FAM3D: variants seen among roughly 807,000 people sequenced by gnomAD.
The protein encoded by FAM3D is FAM3 metabolism regulating signaling molecule D, also known as protein FAM3D.
FAM3D carries 26 observed loss-of-function variants against 29.8 expected under a neutral mutation model. That is an observed-to-expected ratio of 0.87 (90% CI 0.64 to 1.21). The LOEUF is 1.21. Among genes scored for constraint, FAM3D ranks in the 50% most tolerant of loss-of-function variants. The pLI, the probability that FAM3D is intolerant of heterozygous loss-of-function variation, is 0.00. For missense variants in FAM3D, 253 were observed against 290.9 expected, an observed-to-expected ratio of 0.87 and a Z score of 0.95; for synonymous variants, 115 against 102.3, an observed-to-expected ratio of 1.12 and a Z score of -0.75.
chr3:58,651,157 A>G (rs186753127), intron 3 of FAM3D, among the ~76,000 whole-genome samples: 20 of 152,338 alleles, frequency 1.3e-4, no homozygotes, highest in Non-Finnish European at 2.9e-4. Flanking sequence ...ACTTCCCTTG[A>G]GACACTTATC....
chr3:58,655,671 G>T, intron 1 of FAM3D, 70 bp from the exon 2 acceptor site: 1 of 1,270,456 alleles, frequency 7.9e-7, no homozygotes, highest in Non-Finnish European at 1.1e-6. Flanking sequence ...GAAGATGAGG[G>T]AAAGGGACCT....
At chr3:58,654,789 G>A (rs2066743556) in intron 2 of FAM3D, among the ~76,000 whole-genome samples, 1 of 152,164 alleles carries the variant, frequency 6.6e-6, no homozygotes, top group Admixed American at 6.5e-5. Flanking sequence ...TGTGGGGTGG[G>A]ATGCAGGTCT....
Position 58,665,373 on chromosome 3 carries a change from C to G in FAM3D, c.-39+1203G>C, listed in dbSNP as rs532427881. Among the ~76,000 whole-genome samples, 5 of 152,134 alleles carry G rather than the reference C, an allele frequency of 3.3e-5. No individual in the cohort carries two copies. The East Asian group carries it at 9.7e-4, about 29-fold the overall frequency. The stretch of plus-strand genomic sequence containing the variant: ...CTCAGAGATTCTCCACTGACCCAAT[C>G]TTTTCCTCCCCTGCCCTTCACTCCT... On this transcript the variant is annotated intron_variant, in intron 1 of 9. Transcript: ENST00000358781.
Position 58,636,996 on chromosome 3 carries a change from ATTT to A in FAM3D, c.458+142_458+144del. 3 of 701,158 alleles carry A rather than the reference ATTT, an allele frequency of 4.3e-6. No individual in the cohort carries two copies. The Middle Eastern group carries it at 8.0e-4, about 188-fold the overall frequency. The allele number at this position is 701,158 out of a possible 1,614,324, so 43.4% of individuals were successfully genotyped here. A position where few individuals can be genotyped will look rare whatever the true frequency, so the allele number is the denominator to read the frequency against. ...AAGGCTGTGATGAACCTCCTAGAAC[ATTT>A]CTTTGCATACTTGTCTGATAATTTC... On this transcript the variant is annotated intron_variant, in intron 8 of 9. Transcript: ENST00000358781.
chr3:58,652,781 C>A (rs2066677590), intron 3 of FAM3D, among the ~76,000 whole-genome samples: 1 of 151,916 alleles, frequency 6.6e-6, no homozygotes, highest in African/African-American at 2.4e-5. Context: ...ATCCCTCCAT[C>A]TACCCATCCA....
At chr3:58,647,902 C>T (rs2066524659) in intron 4 of FAM3D, among the ~76,000 whole-genome samples, 1 of 152,210 alleles carries the variant, frequency 6.6e-6, no homozygotes, top group Non-Finnish European at 1.5e-5. Context: ...AGAAATTGCT[C>T]CCTTTATCTT....
In FAM3D at chr3:58,634,052, A is replaced by T; in HGVS notation, c.*227T>A. On this transcript the variant is annotated 3_prime_UTR_variant, in exon 10 of 10. Transcript: ENST00000358781. This position sits in a 1 kb window ranked among gnomAD's most constrained non-coding sequence, Gnocchi z 4.6. ...CTGACGAAAGCACCCCATTCTCTCCACAGACAGCTGGTTCCAGAAGGACCC... is the reference window on the plus strand; with the variant it reads ...CTGACGAAAGCACCCCATTCTCTCCTCAGACAGCTGGTTCCAGAAGGACCC... 1 of 504,692 alleles carries T rather than the reference A, an allele frequency of 2.0e-6. No homozygotes were observed. Among genetic ancestry groups the T allele is most frequent in the East Asian group, 3.4e-5 (1 of 29,358 alleles). The allele number at this position is 504,692 out of a possible 1,614,324, so 31.3% of individuals were successfully genotyped here.
chr3:58,655,503 G>T, intron 2 of FAM3D, 48 bp downstream of exon 2: 1 of 1,611,240 alleles, frequency 6.2e-7, no homozygotes, highest in South Asian at 1.1e-5. Context: ...CAGGATGGGT[G>T]GACACAGCTG....
intron 2 of FAM3D, among the ~76,000 whole-genome samples, chr3:58,654,407 C>T (rs973404694): frequency 4.6e-5 from 7 of 152,204 alleles, no homozygotes; most frequent in African/African-American, 1.7e-4. Flanking sequence ...CCCTCAAGGC[C>T]TCCACAAATA....
rs1427938764 is a variant in FAM3D, at chr3:58,666,636, T to G, written c.-99A>C. On this transcript the variant is annotated 5_prime_UTR_variant, in exon 1 of 10. Coordinates refer to ENST00000358781, the MANE Select transcript of FAM3D (RefSeq NM_138805.3). ...GGAGAAGGCGAGGTGGTCCAGCAGG[T>G]GCCGTAGGTCCCTGACCCAGCTGAC... 3 of 152,230 alleles carry G rather than the reference T, an allele frequency of 2.0e-5. No individual in the cohort carries two copies. The East Asian group carries it at 5.8e-4, about 29-fold the overall frequency. 9.4% of individuals were successfully genotyped at this position (152,230 alleles called of 1,614,324 possible).
chr3:58,654,581 G>A (rs1028727436), intron 2 of FAM3D, among the ~76,000 whole-genome samples: 6 of 152,172 alleles, frequency 3.9e-5, no homozygotes, highest in African/African-American at 1.4e-4. Context: ...CGGAAAGCAG[G>A]CTCCATTTCA....
intron 4 of FAM3D, 137 bp downstream of exon 4, chr3:58,649,178 A>T: frequency 9.4e-7 from 1 of 1,062,778 alleles, no homozygotes; most frequent in Non-Finnish European, 1.4e-6. Context: ...AGGACTGGGA[A>T]GAATCAGGAA....
chr3:58,634,234 C>A lies in FAM3D; in HGVS notation c.*45G>T. Reference sequence around the variant, plus strand: ...GCCGGGCTCTGACTCCTAAGTCAGGCAGGAGCTTCTTCAGGCCCCTGGCTG... The same window carrying A: ...GCCGGGCTCTGACTCCTAAGTCAGGAAGGAGCTTCTTCAGGCCCCTGGCTG... On this transcript the variant is annotated 3_prime_UTR_variant, in exon 10 of 10. Transcript: ENST00000358781. The surrounding 1 kb of genome is among the most constrained non-coding windows in gnomAD (Gnocchi z 4.6). 1 of 1,583,878 alleles carries A rather than the reference C, an allele frequency of 6.3e-7. No homozygotes were observed. Among genetic ancestry groups the A allele is most frequent in the Non-Finnish European group, 8.6e-7 (1 of 1,158,314 alleles).
intron 4 of FAM3D, among the ~76,000 whole-genome samples, chr3:58,649,054 C>T (rs902318225): frequency 1.3e-5 from 2 of 152,118 alleles, no homozygotes; most frequent in Non-Finnish European, 2.9e-5. Flanking sequence ...AGCAGGGGTA[C>T]TGGAGAAGGG....
intron 3 of FAM3D, 29 bp from the exon 4 acceptor site, chr3:58,649,367 G>C: frequency 6.2e-7 from 1 of 1,612,432 alleles, no homozygotes; most frequent in Non-Finnish European, 8.5e-7. Flanking sequence ...CTGGTTAGAG[G>C]AAAAGCACTT....
Position 58,640,207 on chromosome 3 carries a change from C to T in FAM3D, c.323-30G>A, listed in dbSNP as rs756805444. ...GGGTTAAGAGGAGAACGATTATCCC[C>T]TGTAACACGTGTCATTCTGCCTGTC... On this transcript the variant is annotated intron_variant, in intron 6 of 9. Coordinates refer to ENST00000358781, the MANE Select transcript of FAM3D (RefSeq NM_138805.3). The T allele has an allele frequency of 1.8e-5, 29 of 1,612,384 alleles. No individual in the cohort carries two copies. The South Asian group carries it at 2.7e-4, about 15-fold the overall frequency.
At chr3:58,636,150 T>G (rs1286819114) in intron 9 of FAM3D, 144 bp downstream of exon 9, 36 of 1,339,128 alleles carry the variant, frequency 2.7e-5, no homozygotes, top group Middle Eastern at 2.7e-4. Flanking sequence ...ACCCTGGCCT[T>G]TGGAGTGAAT....
At chr3:58,649,215 G>A in intron 4 of FAM3D, 100 bp downstream of exon 4, 1 of 1,430,990 alleles carries the variant, frequency 7.0e-7, no homozygotes, top group African/African-American at 1.4e-5. Context: ...CACCTGCAGG[G>A]CTCAGAGCAG....
Position 58,634,230 on chromosome 3 carries a change from C to G in FAM3D, c.*49G>C. 2 of 1,576,794 alleles carry G rather than the reference C, an allele frequency of 1.3e-6. No individual in the cohort carries two copies. The highest frequency in any genetic ancestry group is 1.7e-6 in the Non-Finnish European group (2 of 1,153,458). ...CCCTGCCGGGCTCTGACTCCTAAGT[C>G]AGGCAGGAGCTTCTTCAGGCCCCTG... On this transcript the variant is annotated 3_prime_UTR_variant, in exon 10 of 10. Coordinates refer to ENST00000358781, the MANE Select transcript of FAM3D (RefSeq NM_138805.3). The surrounding 1 kb of genome is among the most constrained non-coding windows in gnomAD (Gnocchi z 4.6).
Sources: gnomAD v4.1 joint callset for allele counts (sites outside exome capture counted in the v4.1 genomes callset) on GRCh38, gnomAD v4.1.1 for gene constraint, Gnocchi (gnomAD v3.1) non-coding constraint, MANE v1.5 for transcripts, NCBI Gene and HGNC (gene_info 2026-07-23, HGNC 2026-07-21) for gene names.